ZNF804B: variants seen among roughly 807,000 people sequenced by gnomAD.
ZNF804B encodes zinc finger protein 804B, also known as zinc finger 804B.
ZNF804B carries 80 observed loss-of-function variants against 101.4 expected under a neutral mutation model. The ratio of observed to expected loss-of-function variants is 0.79; its 90% CI spans 0.66 to 0.95. The LOEUF (loss-of-function observed/expected upper bound fraction) is 0.95. ZNF804B is among the 40% of genes least tolerant of loss of function. ZNF804B has a pLI of 0.00. For missense variants in ZNF804B, 1,673 were observed against 1,561.9 expected (o/e 1.07, Z -1.20); for synonymous variants, 622 against 558.8 (o/e 1.11, Z -1.59).
chr7:89,309,941 T>C (rs1482616067), intron 2 of ZNF804B, among the ~76,000 whole-genome samples: 3 of 151,994 alleles, frequency 2.0e-5, no homozygotes, highest in Middle Eastern at 3.2e-3. Flanking sequence ...CATATTTATT[T>C]TGAGGGATGG....
At chr7:89,228,844 G>A (rs1292830970) in intron 2 of ZNF804B, among the ~76,000 whole-genome samples, 4 of 152,250 alleles carry the variant, frequency 2.6e-5, no homozygotes, top group Non-Finnish European at 4.4e-5. Flanking sequence ...AGGCTCCGGC[G>A]GCACAGGGGC....
intron 1 of ZNF804B, among the ~76,000 whole-genome samples, chr7:88,956,410 T>G (rs1321070498): frequency 6.6e-6 from 1 of 151,518 alleles, no homozygotes; most frequent in East Asian, 2.0e-4. Context: ...AAAAGAAAAT[T>G]TCAAAAACAT....
At chr7:89,221,118 T>G (rs1788997734) in intron 2 of ZNF804B, among the ~76,000 whole-genome samples, 1 of 152,044 alleles carries the variant, frequency 6.6e-6, no homozygotes, top group African/African-American at 2.4e-5. Context: ...TTGATCCATT[T>G]ATCATTAAGT....
chr7:88,778,315 G>A (rs1201269971), intron 1 of ZNF804B, among the ~76,000 whole-genome samples: 1 of 152,090 alleles, frequency 6.6e-6, no homozygotes, highest in Non-Finnish European at 1.5e-5. Flanking sequence ...ATAACTCATG[G>A]TTCGATCGGG....
chr7:89,130,899 A>T (rs760229977), intron 1 of ZNF804B, among the ~76,000 whole-genome samples: 1 of 151,938 alleles, frequency 6.6e-6, no homozygotes, highest in Non-Finnish European at 1.5e-5. Flanking sequence ...TCTTATCCCA[A>T]TCTTCCTGTA....
chr7:89,102,924 C>A (rs1240341731), intron 1 of ZNF804B, among the ~76,000 whole-genome samples: 6 of 151,706 alleles, frequency 4.0e-5, no homozygotes, highest in Non-Finnish European at 5.9e-5. Context: ...TTCACAGAAC[C>A]ATTTATTGAA....
chr7:89,128,863 C>T (rs146149367), intron 1 of ZNF804B, among the ~76,000 whole-genome samples: 34 of 152,054 alleles, frequency 2.2e-4, no homozygotes, highest in East Asian at 7.8e-4. Context: ...CCCTGATACA[C>T]GTAAAATGAG....
chr7:89,072,694 A>T (rs888971204), intron 1 of ZNF804B, among the ~76,000 whole-genome samples: 16 of 152,206 alleles, frequency 1.1e-4, no homozygotes, highest in Non-Finnish European at 2.4e-4. Flanking sequence ...GACTATGTAA[A>T]TATAACCAGG....
intron 1 of ZNF804B, among the ~76,000 whole-genome samples, chr7:89,038,278 T>G (rs963070586): frequency 1.3e-5 from 2 of 152,286 alleles, no homozygotes; most frequent in African/African-American, 4.8e-5. Flanking sequence ...TTTACATTTC[T>G]ACCAACAGTG....
intron 1 of ZNF804B, among the ~76,000 whole-genome samples, chr7:88,973,502 G>C (rs907608174): frequency 6.6e-6 from 1 of 150,918 alleles, no homozygotes; most frequent in African/African-American, 2.4e-5. Flanking sequence ...ATACTTAACT[G>C]TGCTTTTTAA....
At chr7:88,944,416 T>C (rs1248365553) in intron 1 of ZNF804B, among the ~76,000 whole-genome samples, 1 of 151,848 alleles carries the variant, frequency 6.6e-6, no homozygotes, top group African/African-American at 2.4e-5. Flanking sequence ...TCAAATATTT[T>C]GCTTATTTTT....
At chr7:89,017,071 C>G (rs1483302859) in intron 1 of ZNF804B, among the ~76,000 whole-genome samples, 1 of 152,086 alleles carries the variant, frequency 6.6e-6, no homozygotes, top group Non-Finnish European at 1.5e-5. Context: ...AAGTTAGATT[C>G]CTAGGTATTT....
At chr7:89,139,597 A>T (rs1790687537) in intron 1 of ZNF804B, among the ~76,000 whole-genome samples, 1 of 152,118 alleles carries the variant, frequency 6.6e-6, no homozygotes, top group South Asian at 2.1e-4. Flanking sequence ...TTCACCAGGA[A>T]TAGATTACAT....
In ZNF804B at chr7:89,316,311, T is replaced by G. The variant is rs540736173; in HGVS notation, c.250-11033T>G. On this transcript the variant is annotated intron_variant, in intron 2 of 3. Coordinates refer to ENST00000333190, the MANE Select transcript of ZNF804B (RefSeq NM_181646.5). ...GTTTCCCTAAATGTACTGCTATCTCTGACCCTCATCATCCTGGCATTTAAG... is the reference window on the plus strand; with the variant it reads ...GTTTCCCTAAATGTACTGCTATCTCGGACCCTCATCATCCTGGCATTTAAG... Among the ~76,000 whole-genome samples, 114 of 152,190 alleles carry G rather than the reference T, an allele frequency of 7.5e-4. 1 individual carries two copies. The highest frequency in any genetic ancestry group is 1.1e-3 in the Non-Finnish European group (78 of 68,032).
At chr7:89,093,818 A>T (rs548688585) in intron 1 of ZNF804B, among the ~76,000 whole-genome samples, 1 of 152,348 alleles carries the variant, frequency 6.6e-6, no homozygotes, top group East Asian at 1.9e-4. Context: ...GTCATTTACT[A>T]GTTCAGATAC....
intron 1 of ZNF804B, among the ~76,000 whole-genome samples, chr7:88,775,330 G>T (rs1489170286): frequency 6.6e-6 from 1 of 152,180 alleles, no homozygotes; most frequent in Non-Finnish European, 1.5e-5. Context: ...TTGGCTCAGA[G>T]GCCGAGGGGC....
chr7:88,980,082 A>G (rs1473857465), intron 1 of ZNF804B, among the ~76,000 whole-genome samples: 1 of 150,960 alleles, frequency 6.6e-6, no homozygotes, highest in South Asian at 2.1e-4. Context: ...TTTTATTATT[A>G]TACTTTAAGT....
rs900796878 is a variant in ZNF804B at position 89,337,104 on chromosome 7, G to A, written c.*72G>A. ...CCTATAAAATCATACATTTAAAGAAGTCTGTCAATTATAAGATTTAAAATA... is the reference window on the plus strand; with the variant it reads ...CCTATAAAATCATACATTTAAAGAAATCTGTCAATTATAAGATTTAAAATA... On this transcript the variant is annotated 3_prime_UTR_variant, in exon 4 of 4. Coordinates refer to ENST00000333190, the MANE Select transcript of ZNF804B (RefSeq NM_181646.5). The A allele has an allele frequency of 5.7e-6, 8 of 1,402,170 alleles. No homozygotes were observed. In the African/African-American group the frequency reaches 1.2e-4, roughly 20 times the overall value. The allele number at this position is 1,402,170 out of a possible 1,614,324, so 86.9% of individuals were successfully genotyped here.
At chr7:89,031,312 CT>C (rs1788830743) in intron 1 of ZNF804B, among the ~76,000 whole-genome samples, 1 of 151,516 alleles carries the variant, frequency 6.6e-6, no homozygotes, top group African/African-American at 2.4e-5. Flanking sequence ...CTCAATTACC[CT>C]TTGCGCACGG....
Sources: allele counts gnomAD v4.1 joint callset (sites outside exome capture counted in the v4.1 genomes callset), GRCh38; gene constraint gnomAD v4.1.1; transcripts MANE v1.5; gene names NCBI Gene and HGNC (gene_info 2026-07-23, HGNC 2026-07-21).